Variants in VAV3 observed in about 807,000 individuals in gnomAD.
VAV3 encodes the protein guanine nucleotide exchange factor VAV3.
Under a neutral mutation model 131.2 loss-of-function variants are expected in VAV3, and 94 were observed. The observed-to-expected ratio is 0.72, with a 90% confidence interval of 0.61 to 0.85. VAV3 has a LOEUF of 0.85. VAV3 is among the 40% of genes least tolerant of loss of function. VAV3 has a pLI of 0.00. For synonymous variants in VAV3, 349 were observed against 342.0 expected (o/e 1.02, Z -0.22); for missense variants, 939 against 1,002.7 (o/e 0.94, Z 0.86).
chr1:107,869,557 G>A (rs1486333385), intron 2 of VAV3, among the ~76,000 whole-genome samples: 2 of 152,144 alleles, frequency 1.3e-5, no homozygotes, highest in Non-Finnish European at 2.9e-5. Flanking sequence ...GCTCAAAGAA[G>A]TCAAGTTACT....
intron 15 of VAV3, among the ~76,000 whole-genome samples, chr1:107,708,056 C>A (rs1660558251): frequency 6.6e-6 from 1 of 152,156 alleles, no homozygotes; most frequent in African/African-American, 2.4e-5. Flanking sequence ...GAGTAACTAC[C>A]ATATGCACAA....
At position 107,848,226 on chromosome 1, in the gene VAV3, T is replaced by A. The variant is rs527586562; in HGVS notation, c.321+26675A>T. Among the ~76,000 whole-genome samples the A allele has an allele frequency of 2.0e-5, 3 of 148,678 alleles. No homozygotes were observed. In the East Asian group the frequency reaches 5.9e-4, roughly 29 times the overall value. On this transcript the variant is annotated intron_variant, in intron 2 of 26. Coordinates refer to ENST00000370056, the MANE Select transcript of VAV3 (RefSeq NM_006113.5). Reference sequence around the variant, plus strand: ...TAATTGGGAGGCTTAGGCAGGAGAATGGCGTGAACCCTGGAGGCGGAGCTT... The same window carrying A: ...TAATTGGGAGGCTTAGGCAGGAGAAAGGCGTGAACCCTGGAGGCGGAGCTT...
At chr1:107,731,734 A>G (rs1408885119) in intron 15 of VAV3, among the ~76,000 whole-genome samples, 1 of 152,238 alleles carries the variant, frequency 6.6e-6, no homozygotes. Context: ...CAAGCACAGC[A>G]TATACTTGGA....
intron 2 of VAV3, among the ~76,000 whole-genome samples, chr1:107,846,261 C>T (rs1668961478): frequency 6.6e-6 from 1 of 152,180 alleles, no homozygotes; most frequent in African/African-American, 2.4e-5. Flanking sequence ...GAGATTTTAT[C>T]ACCACCAGGC....
intron 19 of VAV3, among the ~76,000 whole-genome samples, chr1:107,662,263 G>A (rs7529875): frequency 0.65 from 98,846 of 152,014 alleles, 33,486 homozygotes; most frequent in African/African-American, 0.85. Context: ...GATTAAAATT[G>A]CATTTTAAAA....
chr1:107,634,174 A>G lies in VAV3; in HGVS notation c.1914+8445T>C, dbSNP rs559992341. Among the ~76,000 whole-genome samples, 7 of 152,262 alleles carry G rather than the reference A, an allele frequency of 4.6e-5. No individual in the cohort carries two copies. The East Asian group carries it at 1.4e-3, about 29-fold the overall frequency. ...AGCCTGCATTGCCAAGTCAATCCTA[A>G]GCCAAAAGAACAAAGCTGGAGGCAT... On this transcript the variant is annotated intron_variant, in intron 20 of 26. Coordinates refer to ENST00000370056, the MANE Select transcript of VAV3 (RefSeq NM_006113.5).
At chr1:107,787,588 C>G (rs1329893271) in intron 2 of VAV3, among the ~76,000 whole-genome samples, 1 of 152,142 alleles carries the variant, frequency 6.6e-6, no homozygotes, top group Non-Finnish European at 1.5e-5. Context: ...GTTTGATGGG[C>G]AAGAATGACC....
intron 19 of VAV3, among the ~76,000 whole-genome samples, chr1:107,662,024 G>T (rs1299192136): frequency 3.3e-5 from 5 of 152,140 alleles, no homozygotes; most frequent in Non-Finnish European, 1.5e-5. Context: ...GAATTAAGCT[G>T]CTCTGTAAGC....
At chr1:107,851,171 CAAAAA>C (rs35609784) in intron 2 of VAV3, among the ~76,000 whole-genome samples, 2 of 68,490 alleles carry the variant, frequency 2.9e-5, no homozygotes, top group Non-Finnish European at 6.2e-5. Context: ...GACTCCGTCT[CAAAAA>C]AAAAAAAAAA....
chr1:107,937,932 C>T (rs1673804125), intron 1 of VAV3, among the ~76,000 whole-genome samples: 2 of 152,136 alleles, frequency 1.3e-5, no homozygotes, highest in African/African-American at 4.8e-5. Context: ...TGATCAAGTT[C>T]ATAGGCCAGC....
At chr1:107,723,718 TC>T (rs2101932967) in intron 15 of VAV3, among the ~76,000 whole-genome samples, 1 of 152,178 alleles carries the variant, frequency 6.6e-6, no homozygotes, top group African/African-American at 2.4e-5. Context: ...GAGGAGCTGT[TC>T]CTTCCAACCT....
intron 1 of VAV3, among the ~76,000 whole-genome samples, chr1:107,909,474 C>T (rs937103702): frequency 2.0e-5 from 3 of 152,038 alleles, no homozygotes; most frequent in Admixed American, 6.5e-5. Context: ...CAATTTTTCC[C>T]GAGCTTTATA....
At chr1:107,724,600 A>T (rs1661715131) in intron 15 of VAV3, among the ~76,000 whole-genome samples, 1 of 152,136 alleles carries the variant, frequency 6.6e-6, no homozygotes. Flanking sequence ...AATGAAAGAG[A>T]GATTGGACAA....
At chr1:107,959,391 T>G (rs1674974251) in intron 1 of VAV3, among the ~76,000 whole-genome samples, 1 of 152,218 alleles carries the variant, frequency 6.6e-6, no homozygotes, top group Non-Finnish European at 1.5e-5. Context: ...ATACTTGCTG[T>G]CTCAACCCTC....
At chr1:107,790,396 A>C (rs1019381857) in intron 2 of VAV3, among the ~76,000 whole-genome samples, 3 of 152,246 alleles carry the variant, frequency 2.0e-5, no homozygotes, top group African/African-American at 2.4e-5. Context: ...TTGCCTGCAA[A>C]GTATTCATGG....
intron 24 of VAV3, among the ~76,000 whole-genome samples, chr1:107,601,660 A>G (rs1160932435): frequency 2.6e-5 from 4 of 152,218 alleles, no homozygotes; most frequent in Non-Finnish European, 5.9e-5. Context: ...AGACCACTTA[A>G]GGAAATGTGA....
intron 22 of VAV3, among the ~76,000 whole-genome samples, chr1:107,608,228 A>G (rs1412714008): frequency 2.0e-5 from 3 of 152,182 alleles, no homozygotes; most frequent in Non-Finnish European, 4.4e-5. Context: ...TACAAAACCT[A>G]CCTTCGGGTG....
At chr1:107,575,122 T>A (rs1649551411) in intron 25 of VAV3, among the ~76,000 whole-genome samples, 1 of 152,174 alleles carries the variant, frequency 6.6e-6, no homozygotes, top group Non-Finnish European at 1.5e-5. Flanking sequence ...GGTTCATGTT[T>A]GTTAGTCTCT....
chr1:107,858,662 G>A (rs1291433521), intron 2 of VAV3, among the ~76,000 whole-genome samples: 1 of 152,194 alleles, frequency 6.6e-6, no homozygotes, highest in Non-Finnish European at 1.5e-5. Context: ...ATGATCTGAA[G>A]TGGAACGGTT....
Sources: gnomAD v4.1 joint callset for allele counts (sites outside exome capture counted in the v4.1 genomes callset) on GRCh38, gnomAD v4.1.1 for gene constraint, MANE v1.5 for transcripts, NCBI Gene and HGNC (gene_info 2026-07-23, HGNC 2026-07-21) for gene names.